GRXCR2: variants seen among roughly 807,000 people sequenced by gnomAD.
GRXCR2 encodes glutaredoxin domain-containing cysteine-rich protein 2.
GRXCR2 carries 23 observed loss-of-function variants against 24.8 expected under a neutral mutation model. The observed-to-expected ratio is 0.93, with a 90% CI of 0.67 to 1.32. The LOEUF (loss-of-function observed/expected upper bound fraction) is 1.32. GRXCR2 is among the 40% of genes most tolerant of loss of function. The probability of loss-of-function intolerance (pLI) is 0.00; values close to 1 mark genes in which losing one functional copy is unlikely to be tolerated. For synonymous variants in GRXCR2, 130 were observed against 116.1 expected, an observed-to-expected ratio of 1.12 and a Z score of -0.77; for missense variants, 315 against 303.4, an observed-to-expected ratio of 1.04 and a Z score of -0.28.
intron 2 of GRXCR2, among the ~76,000 whole-genome samples, chr5:145,920,572 C>A (rs1447417495): frequency 1.3e-5 from 2 of 152,122 alleles, no homozygotes; most frequent in Non-Finnish European, 2.9e-5. Context: ...GGTCATTCTG[C>A]CACTCAAGTT....
At chr5:145,895,170 C>G (rs1756930819) in intron 2 of GRXCR2, among the ~76,000 whole-genome samples, 1 of 152,006 alleles carries the variant, frequency 6.6e-6, no homozygotes, top group Non-Finnish European at 1.5e-5. Context: ...AAACCCACAG[C>G]CAATATCATA....
At chr5:145,926,707 G>A (rs944736509) in intron 2 of GRXCR2, among the ~76,000 whole-genome samples, 18 of 152,132 alleles carry the variant, frequency 1.2e-4, no homozygotes, top group South Asian at 2.1e-4. Flanking sequence ...ACTTGGCAAT[G>A]CAGGCTCTTT....
At chr5:145,860,005 G>C (rs966023411) in intron 2 of GRXCR2, 90 bp from the exon 3 acceptor site, 17 of 1,091,356 alleles carry the variant, frequency 1.6e-5, no homozygotes, top group Admixed American at 6.1e-5. Flanking sequence ...TACAGCAAAG[G>C]CTGGGGCAGA....
In GRXCR2 at chr5:145,917,141, C is replaced by T. The variant is rs912466034; in HGVS notation, c.-70+18560G>A. Among the ~76,000 whole-genome samples the T allele has an allele frequency of 5.5e-5, 8 of 144,892 alleles. No homozygotes were observed. In the Admixed American group the frequency reaches 5.7e-4, roughly 10 times the overall value. On this transcript the variant is annotated intron_variant, in intron 2 of 3. Transcript: ENST00000639411. ...CCACATCTCCTTTTAAGATACAAAACAGCATTATGTCAAGATGGACACGTT... is the reference window on the plus strand; with the variant it reads ...CCACATCTCCTTTTAAGATACAAAATAGCATTATGTCAAGATGGACACGTT...
chr5:145,865,956 G>A (rs922121941), intron 2 of GRXCR2, among the ~76,000 whole-genome samples: 15 of 149,940 alleles, frequency 1.0e-4, no homozygotes, highest in Non-Finnish European at 8.9e-5. Context: ...TGGACAACAT[G>A]GTGAAACCCC....
Position 145,919,610 on chromosome 5 carries a change from G to T in GRXCR2, c.-70+16091C>A, listed in dbSNP as rs115956535. ...AGAAGGGTTTAAGTATTGGGTAGGCGGGTGGGTAGGAGGGAGGAGGAGAAG... is the reference window on the plus strand; with the variant it reads ...AGAAGGGTTTAAGTATTGGGTAGGCTGGTGGGTAGGAGGGAGGAGGAGAAG... On this transcript the variant is annotated intron_variant, in intron 2 of 3. Coordinates refer to the GRXCR2 transcript ENST00000639411. 2.7e-3 allele frequency among the ~76,000 whole-genome samples: 409 copies of T among 152,268 alleles called. 2 individuals are homozygous for T. The highest frequency in any genetic ancestry group is 9.7e-3 in the African/African-American group (401 of 41,552).
chr5:145,879,162 CATA>C, intron 2 of GRXCR2, among the ~76,000 whole-genome samples: 1 of 152,150 alleles, frequency 6.6e-6, no homozygotes, highest in Non-Finnish European at 1.5e-5. Flanking sequence ...CAGCTAACAT[CATA>C]ATGACAGGAT....
At chr5:145,878,375 A>G (rs367857127) in intron 2 of GRXCR2, among the ~76,000 whole-genome samples, 99 of 152,366 alleles carry the variant, frequency 6.5e-4, no homozygotes, top group Non-Finnish European at 1.3e-3. Flanking sequence ...GCTGAAAACC[A>G]TGGCATGAGA....
At chr5:145,863,928 G>A (rs958623055) in intron 2 of GRXCR2, among the ~76,000 whole-genome samples, 3 of 152,148 alleles carry the variant, frequency 2.0e-5, no homozygotes, top group Admixed American at 6.5e-5. Flanking sequence ...CCTGTTATAT[G>A]CCAGGCTGTA....
At chr5:145,915,090 A>T (rs1757218255) in intron 2 of GRXCR2, among the ~76,000 whole-genome samples, 1 of 152,040 alleles carries the variant, frequency 6.6e-6, no homozygotes, top group Admixed American at 6.6e-5. Context: ...CCTACCTGAA[A>T]CCTTGAGATC....
intron 1 of GRXCR2, among the ~76,000 whole-genome samples, chr5:145,871,040 C>G (rs1756522365): frequency 6.6e-6 from 1 of 151,916 alleles, no homozygotes; most frequent in Admixed American, 6.6e-5. Context: ...CACTGCACTC[C>G]AGCCTGGTTG....
chr5:145,904,952 A>C (rs1757070356), intron 2 of GRXCR2, among the ~76,000 whole-genome samples: 1 of 152,146 alleles, frequency 6.6e-6, no homozygotes, highest in African/African-American at 2.4e-5. Flanking sequence ...TCCAAAAGGA[A>C]GCAGTCCAAA....
Position 145,866,554 on chromosome 5 carries a change from C to A in GRXCR2, c.511G>T (p.Asp171Tyr). 1 of 1,614,178 alleles carries A rather than the reference C, an allele frequency of 6.2e-7. No homozygotes were observed. The highest frequency in any genetic ancestry group is 8.5e-7 in the Non-Finnish European group (1 of 1,180,022). The change falls in exon 2 of 3, where the codon GAT becomes TAT. Residue 171 changes from aspartate (D) to tyrosine (Y), a missense_variant. Transcript: ENST00000377976. ...EESYGGRDQH[D>Y]RPLVEAESTL... ...CTTTCTGCCTCCACCAAAGGTCTAT[C>A]GTGCTGGTCCCTGCCTCCATAGCTT...
chr5:145,899,737 C>G (rs1299474076), intron 2 of GRXCR2, among the ~76,000 whole-genome samples: 1 of 152,070 alleles, frequency 6.6e-6, no homozygotes, highest in African/African-American at 2.4e-5. Flanking sequence ...GGACCTTTAC[C>G]TTTTACCATA....
At chr5:145,883,042 G>A (rs1379431753) in intron 2 of GRXCR2, among the ~76,000 whole-genome samples, 1 of 111,076 alleles carries the variant, frequency 9.0e-6, no homozygotes, top group East Asian at 3.3e-4. Context: ...GGAGGGGGGA[G>A]GGATAGCATT....
At chr5:145,899,125 G>A (rs1756991092) in intron 2 of GRXCR2, among the ~76,000 whole-genome samples, 1 of 152,040 alleles carries the variant, frequency 6.6e-6, no homozygotes, top group South Asian at 2.1e-4. Flanking sequence ...TGTTCATGCT[G>A]AGAGCCAAAT....
At chr5:145,892,854 A>C (rs1299642998) in intron 2 of GRXCR2, among the ~76,000 whole-genome samples, 1 of 152,236 alleles carries the variant, frequency 6.6e-6, no homozygotes, top group Non-Finnish European at 1.5e-5. Context: ...GTTAAAATGA[A>C]GGAAAAAATG....
intron 2 of GRXCR2, among the ~76,000 whole-genome samples, chr5:145,928,574 T>TA (rs1473335840): frequency 1.3e-5 from 2 of 152,076 alleles, no homozygotes; most frequent in African/African-American, 2.4e-5. Flanking sequence ...TATGCAGCCA[T>TA]AAACAATGAT....
intron 1 of GRXCR2, among the ~76,000 whole-genome samples, chr5:145,868,683 A>T (rs1428664750): frequency 1.3e-5 from 2 of 152,130 alleles, no homozygotes; most frequent in Non-Finnish European, 2.9e-5. Context: ...TTCAAGACAA[A>T]ACTCTCAATA....
Sources: gnomAD v4.1 joint callset for allele counts (sites outside exome capture counted in the v4.1 genomes callset) on GRCh38, gnomAD v4.1.1 for gene constraint, MANE v1.5 for transcripts, NCBI Gene and HGNC (gene_info 2026-07-23, HGNC 2026-07-21) for gene names.